The following ZNF516 variants were observed in gnomAD, a reference collection of about 807,000 sequenced individuals.
ZNF516 encodes zinc finger protein 516.
ZNF516 carries 19 observed loss-of-function variants against 79.7 expected under a neutral mutation model. The observed-to-expected ratio is 0.24, with a 90% CI of 0.17 to 0.35. The LOEUF is 0.35. Ranked by LOEUF, ZNF516 falls within the 10% of genes least tolerant of loss-of-function variation. ZNF516 has a pLI of 1.00. For missense variants in ZNF516, 1,678 were observed against 1,679.5 expected, an observed-to-expected ratio of 1.00 and a Z score of 0.02; for synonymous variants, 877 against 739.5, an observed-to-expected ratio of 1.19 and a Z score of -3.02.
At position 76,380,321 on chromosome 18, in the gene ZNF516, T is replaced by C. The variant is rs750040815; in HGVS notation, c.1811-18A>G. 1.9e-6 allele frequency: 3 copies of C among 1,607,068 alleles called. No homozygotes were observed. Among genetic ancestry groups the C allele is most frequent in the Non-Finnish European group, 2.5e-6 (3 of 1,176,852 alleles). On this transcript the variant is annotated intron_variant, in intron 3 of 6. Coordinates refer to ENST00000443185, the MANE Select transcript of ZNF516 (RefSeq NM_014643.4). Reference sequence around the variant, plus strand: ...CTGTCCCCCTAGAGGAGGCAAAATATGAAACGGGAAGTTACCATTTCTCAT... The same window carrying C: ...CTGTCCCCCTAGAGGAGGCAAAATACGAAACGGGAAGTTACCATTTCTCAT...
chr18:76,490,645 C>G (rs555078103), intron 1 of ZNF516: 11 of 436,008 alleles, frequency 2.5e-5, no homozygotes, highest in African/African-American at 2.1e-4. Context: ...CTCCATAGCC[C>G]CATGGTGAAC....
In ZNF516 at chr18:76,360,573, A is replaced by T. The variant is rs1316568437; in HGVS notation, c.*1925T>A. The T allele has an allele frequency of 6.8e-6, 1 of 148,026 alleles. No individual in the cohort carries two copies. Among genetic ancestry groups the T allele is most frequent in the African/African-American group, 2.5e-5 (1 of 40,208 alleles). 9.2% of individuals were successfully genotyped at this position (148,026 alleles called of 1,614,324 possible). ...TATCTGCATGGACATTCCTAATTAC[A>T]CCAACAGGACAGATCATTTTCGTAC... On this transcript the variant is annotated 3_prime_UTR_variant, in exon 7 of 7. Coordinates refer to ENST00000443185, the MANE Select transcript of ZNF516 (RefSeq NM_014643.4).
At chr18:76,425,035 AACAC>A (rs200455435) in intron 3 of ZNF516, among the ~76,000 whole-genome samples, 6 of 147,100 alleles carry the variant, frequency 4.1e-5, no homozygotes, top group Admixed American at 6.8e-5. Context: ...GTTCCCCCGA[AACAC>A]ACACACGCAG....
At chr18:76,471,782 T>C (rs1194857942) in intron 1 of ZNF516, among the ~76,000 whole-genome samples, 1 of 152,020 alleles carries the variant, frequency 6.6e-6, no homozygotes, top group Non-Finnish European at 1.5e-5. Context: ...CACCCTAAGA[T>C]CCCTATCTTA....
At chr18:76,437,667 G>A (rs565778113) in intron 3 of ZNF516, among the ~76,000 whole-genome samples, 52 of 152,176 alleles carry the variant, frequency 3.4e-4, no homozygotes, top group African/African-American at 1.3e-3. Context: ...AAATGCCTGC[G>A]TGTAACCCAC....
chr18:76,438,916 A>G (rs1259375054), intron 3 of ZNF516, among the ~76,000 whole-genome samples: 1 of 152,216 alleles, frequency 6.6e-6, no homozygotes, highest in African/African-American at 2.4e-5. Flanking sequence ...TCGTTCCTCA[A>G]TTCCCACACA....
chr18:76,453,462 G>A (rs913405647), intron 2 of ZNF516, among the ~76,000 whole-genome samples: 7 of 152,274 alleles, frequency 4.6e-5, no homozygotes, highest in Admixed American at 2.6e-4. Context: ...CTTTGACTCC[G>A]TCTACATCTT....
In ZNF516 at chr18:76,442,880, C is replaced by T. The variant is rs1173897714; in HGVS notation, c.175G>A (p.Glu59Lys). 1 of 1,613,794 alleles carries T rather than the reference C, an allele frequency of 6.2e-7. No homozygotes were observed. The highest frequency in any genetic ancestry group is 2.2e-5 in the East Asian group (1 of 44,876). Residue 59 changes from glutamate to lysine, a missense_variant, in exon 3 of 7, where the codon GAG becomes AAG. Physicochemically the swap from Glu to Lys is moderately conservative, Grantham distance 56 (BLOSUM62 1). This residue lies in a region of ZNF516 where 26 missense variants were observed against 66.4 expected (regional missense o/e 0.39). Coordinates refer to ENST00000443185, the MANE Select transcript of ZNF516 (RefSeq NM_014643.4). ...CAGTAGGGACACTTGTAGGGCTTCTCGCCCGTGTGCTTGCGCATGTGCTGC... is the reference window on the plus strand; with the variant it reads ...CAGTAGGGACACTTGTAGGGCTTCTTGCCCGTGTGCTTGCGCATGTGCTGC... ...LSQHMRKHTG[E>K]KPYKCPYCDH... is the part of the protein sequence containing the mutation.
At chr18:76,476,377 C>T (rs922092539) in intron 1 of ZNF516, among the ~76,000 whole-genome samples, 1 of 152,146 alleles carries the variant, frequency 6.6e-6, no homozygotes, top group Non-Finnish European at 1.5e-5. Flanking sequence ...GCCTTCAGTG[C>T]CAGTTGTCAA....
In ZNF516 at chr18:76,383,009, C is replaced by T. The variant is rs538811274; in HGVS notation, c.1811-2706G>A. On this transcript the variant is annotated intron_variant, in intron 3 of 6. Transcript: ENST00000443185. ...CGAGATGGCGCCACTGCACTCCAGC[C>T]TGGGCAACAGAGCAAGACTCTGTCT... Among the ~76,000 whole-genome samples, 858 of 135,628 alleles carry T rather than the reference C, an allele frequency of 6.3e-3. 10 individuals are homozygous for T. The highest frequency in any genetic ancestry group is 0.022 in the African/African-American group (809 of 36,014). The allele number at this position is 135,628 out of a possible 152,430, so 89.0% of individuals were successfully genotyped here.
chr18:76,416,519 T>A (rs1243805986), intron 3 of ZNF516, among the ~76,000 whole-genome samples: 5 of 152,212 alleles, frequency 3.3e-5, no homozygotes, highest in Non-Finnish European at 7.3e-5. Context: ...CTGTTTCAAA[T>A]AAAACTTTAA....
chr18:76,406,304 G>A lies in ZNF516; in HGVS notation c.1811-26001C>T, dbSNP rs372552499. Among the ~76,000 whole-genome samples, 24 of 152,294 alleles carry A rather than the reference G, an allele frequency of 1.6e-4. No homozygotes were observed. The East Asian group carries it at 2.5e-3, about 16-fold the overall frequency. On this transcript the variant is annotated intron_variant, in intron 3 of 6. Coordinates refer to ENST00000443185, the MANE Select transcript of ZNF516 (RefSeq NM_014643.4). ...AACAAGGCCGGGCGCGGTGGCTCACGCCTGTAATCTCAGAACTCTGGGAGG... is the reference window on the plus strand; with the variant it reads ...AACAAGGCCGGGCGCGGTGGCTCACACCTGTAATCTCAGAACTCTGGGAGG...
rs1363561126 is a variant in ZNF516, at chr18:76,441,703, T to C, written c.1352A>G (p.Lys451Arg). 5.7e-6 allele frequency: 9 copies of C among 1,570,774 alleles called. No individual in the cohort carries two copies. In the South Asian group the frequency reaches 9.3e-5, roughly 16 times the overall value. ...CACCAGGACGTACTCGCGCCTGTCC[T>C]TGTCGAAGGCCACGTCCCCGGCCAG... ...EALAGDVAFD[K>R]DRREYVLVSQ... The change falls in exon 3 of 7, where the codon AAG becomes AGG. Residue 451 changes from lysine to arginine, a missense_variant. Transcript: ENST00000443185.
At chr18:76,376,201 G>A (rs1316991378) in intron 4 of ZNF516, among the ~76,000 whole-genome samples, 15 of 152,180 alleles carry the variant, frequency 9.9e-5, no homozygotes, top group African/African-American at 7.2e-5. Flanking sequence ...AGGAGGTGCC[G>A]AGCCCCCTCA....
intron 3 of ZNF516, among the ~76,000 whole-genome samples, chr18:76,437,690 G>A (rs28648391): frequency 0.023 from 3,451 of 152,004 alleles, 52 homozygotes; most frequent in Middle Eastern, 0.034. Flanking sequence ...ACATCCTCCC[G>A]TACACTGTAA....
intron 2 of ZNF516, among the ~76,000 whole-genome samples, chr18:76,457,471 G>A (rs1912799762): frequency 6.6e-6 from 1 of 152,214 alleles, no homozygotes; most frequent in African/African-American, 2.4e-5. Context: ...CTCTTTGGGA[G>A]GCTGAGGCGG....
chr18:76,492,694 C>T (rs1915304331), intron 1 of ZNF516: 2 of 982,532 alleles, frequency 2.0e-6, no homozygotes, highest in South Asian at 4.7e-5. Context: ...AGAAACCGCA[C>T]GTTTCGAGTC....
chr18:76,405,688 A>C (rs1257074336), intron 3 of ZNF516, among the ~76,000 whole-genome samples: 2 of 151,914 alleles, frequency 1.3e-5, no homozygotes, highest in African/African-American at 4.8e-5. Context: ...CACGGTCATC[A>C]GGCCTGCAGT....
chr18:76,384,105 T>C (rs11150949), intron 3 of ZNF516, among the ~76,000 whole-genome samples: 18,847 of 152,242 alleles, frequency 0.12, 1,496 homozygotes, highest in Non-Finnish European at 0.18. Flanking sequence ...CTTTTTCATT[T>C]ATCCCTTTTC....
Sources: allele counts gnomAD v4.1 joint callset (sites outside exome capture counted in the v4.1 genomes callset), GRCh38; gene constraint gnomAD v4.1.1; regional missense constraint gnomAD v4.1.1; transcripts MANE v1.5; gene names NCBI Gene and HGNC (gene_info 2026-07-23, HGNC 2026-07-21).